UBE2E2: variants seen among roughly 807,000 people sequenced by gnomAD.
UBE2E2 encodes the protein ubiquitin conjugating enzyme E2 E2, also known as ubiquitin-conjugating enzyme E2 E2.
UBE2E2 carries 6 observed loss-of-function variants against 24.7 expected under a neutral mutation model. The ratio of observed to expected loss-of-function variants is 0.24; its 90% confidence interval spans 0.13 to 0.48. UBE2E2 has a LOEUF of 0.48. Ranked by LOEUF, UBE2E2 falls within the 20% of genes least tolerant of loss-of-function variation. The pLI is 0.99. For synonymous variants in UBE2E2, 104 were observed against 83.6 expected, an observed-to-expected ratio of 1.24 and a Z score of -1.33; for missense variants, 169 against 245.0, an observed-to-expected ratio of 0.69 and a Z score of 2.07.
chr3:23,285,797 G>A (rs1445262598), intron 3 of UBE2E2, among the ~76,000 whole-genome samples: 5 of 152,092 alleles, frequency 3.3e-5, no homozygotes, highest in Non-Finnish European at 1.5e-5. Flanking sequence ...GGGTTCAAGC[G>A]ATTCTGTTTC....
intron 5 of UBE2E2, among the ~76,000 whole-genome samples, chr3:23,577,807 A>G (rs1380713644): frequency 6.6e-6 from 1 of 152,186 alleles, no homozygotes; most frequent in East Asian, 1.9e-4. Flanking sequence ...TGACTCTCTT[A>G]GTAGGGGTCT....
chr3:23,571,280 C>CTCTTTTTTTTTTTTTTTTTTTTTT lies in UBE2E2; in HGVS notation c.509-18453_509-18452insCTTTTTTTTTTTTTTTTTTTTTTT, dbSNP rs1696217145. Among the ~76,000 whole-genome samples, 11 of 29,864 alleles carry CTCTTTTTTTTTTTTTTTTTTTTTT rather than the reference C, an allele frequency of 3.7e-4. 1 individual carries two copies. Among genetic ancestry groups the CTCTTTTTTTTTTTTTTTTTTTTTT allele is most frequent in the African/African-American group, 1.1e-3 (11 of 9,700 alleles). 19.6% of individuals were successfully genotyped at this position (29,864 alleles called of 152,430 possible). On this transcript the variant is annotated intron_variant, in intron 5 of 5. Coordinates refer to ENST00000396703, the MANE Select transcript of UBE2E2 (RefSeq NM_152653.4). ...AGTCCCCTCACCTGTGTGCTCCTTT[C>CTCTTTTTTTTTTTTTTTTTTTTTT]TTTTTTTTTTTTTTTTTTTTTTTTT...
At chr3:23,518,338 A>G (rs1694788630) in intron 4 of UBE2E2, among the ~76,000 whole-genome samples, 1 of 152,356 alleles carries the variant, frequency 6.6e-6, no homozygotes, top group Admixed American at 6.5e-5. Context: ...ATGGAAATTT[A>G]AGTGGAAAAC....
chr3:23,386,645 A>G (rs1199962772), intron 3 of UBE2E2, among the ~76,000 whole-genome samples: 1 of 152,216 alleles, frequency 6.6e-6, no homozygotes, highest in African/African-American at 2.4e-5. Flanking sequence ...ATATGAGACA[A>G]GCATATTGAA....
chr3:23,431,040 A>G (rs1306951045), intron 3 of UBE2E2, among the ~76,000 whole-genome samples: 1 of 152,124 alleles, frequency 6.6e-6, no homozygotes, highest in Non-Finnish European at 1.5e-5. Flanking sequence ...TGTTCTAGAG[A>G]TTCAGTGCTG....
intron 3 of UBE2E2, among the ~76,000 whole-genome samples, chr3:23,335,347 A>G (rs750840588): frequency 6.6e-6 from 1 of 152,180 alleles, no homozygotes; most frequent in African/African-American, 2.4e-5. Flanking sequence ...CTTCCTTTCT[A>G]TAGATTTAAA....
At chr3:23,524,810 C>G (rs1694954235) in intron 4 of UBE2E2, among the ~76,000 whole-genome samples, 1 of 151,426 alleles carries the variant, frequency 6.6e-6, no homozygotes, top group African/African-American at 2.4e-5. Flanking sequence ...TTTTAAGTAC[C>G]TTTTAAGAGA....
chr3:23,526,033 G>A (rs1694988986), intron 4 of UBE2E2, among the ~76,000 whole-genome samples: 1 of 152,098 alleles, frequency 6.6e-6, no homozygotes, highest in Non-Finnish European at 1.5e-5. Flanking sequence ...TGTTGATAAG[G>A]TCTAGAAAAG....
chr3:23,300,438 T>C (rs1368327386), intron 3 of UBE2E2, among the ~76,000 whole-genome samples: 1 of 152,212 alleles, frequency 6.6e-6, no homozygotes, highest in Non-Finnish European at 1.5e-5. Flanking sequence ...TCCCTTTCCA[T>C]GTTTAGTGCT....
At chr3:23,536,938 C>A (rs958949478) in intron 5 of UBE2E2, among the ~76,000 whole-genome samples, 2 of 152,150 alleles carry the variant, frequency 1.3e-5, no homozygotes, top group African/African-American at 4.8e-5. Context: ...GAAACTGCAA[C>A]TTTTAGTGAA....
At chr3:23,225,362 A>G (rs1696791500) in intron 3 of UBE2E2, among the ~76,000 whole-genome samples, 1 of 151,912 alleles carries the variant, frequency 6.6e-6, no homozygotes, top group East Asian at 1.9e-4. Flanking sequence ...TATCTTAGAA[A>G]CCATTGCCTA....
intron 3 of UBE2E2, among the ~76,000 whole-genome samples, chr3:23,479,434 A>G (rs1231379058): frequency 5.9e-5 from 9 of 152,142 alleles, no homozygotes; most frequent in Admixed American, 2.6e-4. Flanking sequence ...CAGAGCCTCA[A>G]AAAGGATGTC....
intron 3 of UBE2E2, among the ~76,000 whole-genome samples, chr3:23,247,655 A>G (rs1270078945): frequency 3.3e-5 from 5 of 152,164 alleles, no homozygotes; most frequent in African/African-American, 1.2e-4. Context: ...TTTTTTAAGT[A>G]GGAGTATTTG....
chr3:23,450,903 C>A (rs1698548485), intron 3 of UBE2E2, among the ~76,000 whole-genome samples: 3 of 152,210 alleles, frequency 2.0e-5, no homozygotes, highest in Admixed American at 2.0e-4. Context: ...AAGTTTTATT[C>A]CAGTAGGTGG....
chr3:23,265,042 G>A (rs1254980160), intron 3 of UBE2E2, among the ~76,000 whole-genome samples: 7 of 152,120 alleles, frequency 4.6e-5, no homozygotes, highest in Non-Finnish European at 1.0e-4. Flanking sequence ...GTGAGAAAGC[G>A]GCAAACCTCT....
intron 5 of UBE2E2, among the ~76,000 whole-genome samples, chr3:23,556,991 C>T (rs1051847107): frequency 6.6e-6 from 1 of 152,250 alleles, no homozygotes; most frequent in Admixed American, 6.5e-5. Flanking sequence ...CAAGTCCCTT[C>T]GGCACATTTC....
At chr3:23,332,688 T>G (rs1405556625) in intron 3 of UBE2E2, among the ~76,000 whole-genome samples, 7 of 147,872 alleles carry the variant, frequency 4.7e-5, no homozygotes, top group Admixed American at 1.3e-4. Context: ...TGTGTGTGTG[T>G]GTGTGTGTGT....
At chr3:23,409,129 A>G (rs1024450311) in intron 3 of UBE2E2, among the ~76,000 whole-genome samples, 3 of 152,194 alleles carry the variant, frequency 2.0e-5, no homozygotes, top group African/African-American at 7.2e-5. Context: ...CAGGAATAAT[A>G]GAATGTGGAT....
intron 1 of UBE2E2, among the ~76,000 whole-genome samples, chr3:23,204,463 C>T: frequency 6.6e-6 from 1 of 152,080 alleles, no homozygotes; most frequent in Non-Finnish European, 1.5e-5. Flanking sequence ...AAGTATCTCG[C>T]GGTTCTAAAG....
Sources: allele counts gnomAD v4.1 joint callset (sites outside exome capture counted in the v4.1 genomes callset), GRCh38; gene constraint gnomAD v4.1.1; transcripts MANE v1.5; gene names NCBI Gene and HGNC (gene_info 2026-07-23, HGNC 2026-07-21).